The following SLA variants were observed in gnomAD, a reference collection of about 807,000 sequenced individuals.
SLA encodes the protein src-like-adapter.
SLA carries 16 observed loss-of-function variants against 30.3 expected under a neutral mutation model. The observed-to-expected ratio is 0.53, with a 90% CI of 0.36 to 0.80. The LOEUF is 0.80. SLA is among the 30% of genes least tolerant of loss of function. The pLI is 0.01. For synonymous variants in SLA, 143 were observed against 137.8 expected, an observed-to-expected ratio of 1.04 and a Z score of -0.26; for missense variants, 310 against 345.2, an observed-to-expected ratio of 0.90 and a Z score of 0.81.
At chr8:133,041,977 T>A (rs1295964404) in intron 7 of SLA, among the ~76,000 whole-genome samples, 1 of 151,630 alleles carries the variant, frequency 6.6e-6, no homozygotes, top group Non-Finnish European at 1.5e-5. Context: ...TTAGTAGAGA[T>A]GGAGTTTCAC....
At chr8:133,058,915 GA>G in intron 3 of SLA, 1 of 440,316 alleles carries the variant, frequency 2.3e-6, no homozygotes. Flanking sequence ...CATCTGACTT[GA>G]AAGGGGTGTG....
intron 1 of SLA, among the ~76,000 whole-genome samples, chr8:133,100,179 C>T (rs118075048): frequency 0.04 from 6,137 of 152,258 alleles, 283 homozygotes; most frequent in Admixed American, 0.14. Context: ...GGTCCTGGTA[C>T]TTGCTGTTTT....
At chr8:133,040,455 C>G in intron 7 of SLA, 1 of 294,254 alleles carries the variant, frequency 3.4e-6, no homozygotes, top group Non-Finnish European at 6.5e-6. Flanking sequence ...CTGAGCTTTC[C>G]TTTCTTCAAC....
At chr8:133,062,256 C>T (rs1053502952) in intron 2 of SLA, among the ~76,000 whole-genome samples, 8 of 152,208 alleles carry the variant, frequency 5.3e-5, no homozygotes, top group African/African-American at 1.9e-4. Context: ...AATCCCAGGG[C>T]CTCTGACCCT....
At chr8:133,067,246 C>T (rs1843166705) in intron 2 of SLA, among the ~76,000 whole-genome samples, 1 of 152,134 alleles carries the variant, frequency 6.6e-6, no homozygotes, top group Non-Finnish European at 1.5e-5. Flanking sequence ...CACATAGTCC[C>T]CTGCTCTCCT....
At chr8:133,094,284 A>G (rs1031341797) in intron 1 of SLA, among the ~76,000 whole-genome samples, 22 of 129,908 alleles carry the variant, frequency 1.7e-4, no homozygotes, top group African/African-American at 6.3e-4. Flanking sequence ...TCTGTTTCCC[A>G]GGCTGGAGTG....
chr8:133,051,522 C>T (rs1208037049), intron 3 of SLA, among the ~76,000 whole-genome samples: 2 of 152,100 alleles, frequency 1.3e-5, no homozygotes, highest in African/African-American at 2.4e-5. Flanking sequence ...ATATAAGGCC[C>T]CACGCTGGGC....
chr8:133,038,183 T>G lies in SLA; in HGVS notation c.*341A>C. 3.0e-6 allele frequency: 1 copy of G among 327,950 alleles called. No individual in the cohort carries two copies. Among genetic ancestry groups the G allele is most frequent in the Non-Finnish European group, 5.8e-6 (1 of 173,206 alleles). The allele number at this position is 327,950 out of a possible 1,614,324, so 20.3% of individuals were successfully genotyped here. A position where few individuals can be genotyped will look rare whatever the true frequency, so the allele number is the denominator to read the frequency against. ...GTGTAACTGTCTGGACAGGTCCAGTTCCTTGGAGAGCAGTCCTGGTGCCCT... is the reference window on the plus strand; with the variant it reads ...GTGTAACTGTCTGGACAGGTCCAGTGCCTTGGAGAGCAGTCCTGGTGCCCT... On this transcript the variant is annotated 3_prime_UTR_variant, in exon 9 of 9. Coordinates refer to ENST00000338087, the MANE Select transcript of SLA (RefSeq NM_001045556.3).
At chr8:133,059,244 G>C (rs959974772) in intron 3 of SLA, 1 of 423,046 alleles carries the variant, frequency 2.4e-6, no homozygotes, top group African/African-American at 2.0e-5. Context: ...AAGGTGGGAA[G>C]CAGAAGTGTT....
intron 1 of SLA, among the ~76,000 whole-genome samples, chr8:133,093,327 A>G (rs1022953195): frequency 3.9e-5 from 6 of 152,032 alleles, no homozygotes; most frequent in Non-Finnish European, 8.8e-5. Context: ...GCTGCTGCTT[A>G]TCAGAGGATC....
chr8:133,067,199 G>A (rs1375030085), intron 2 of SLA, among the ~76,000 whole-genome samples: 3 of 152,178 alleles, frequency 2.0e-5, no homozygotes, highest in Admixed American at 6.5e-5. Context: ...CTCTGAGTGC[G>A]AGGCTGGGGG....
At chr8:133,095,443 A>G (rs1848266442) in intron 1 of SLA, among the ~76,000 whole-genome samples, 1 of 152,180 alleles carries the variant, frequency 6.6e-6, no homozygotes, top group Admixed American at 6.5e-5. Flanking sequence ...TGTCTTTCTT[A>G]TTTATAACAT....
At chr8:133,047,533 C>T in intron 6 of SLA, 1 of 428,230 alleles carries the variant, frequency 2.3e-6, no homozygotes, top group Non-Finnish European at 4.4e-6. Flanking sequence ...AGCATGCTGC[C>T]TACACACTGC....
chr8:133,046,706 C>A (rs2703000), intron 6 of SLA: 2 of 152,006 alleles, frequency 1.3e-5, no homozygotes, highest in African/African-American at 4.8e-5. Context: ...ATCCTGCCTC[C>A]GGGGACCTCT....
rs770125839 is a variant in SLA, at chr8:133,038,717, C to A, written c.638G>T (p.Gly213Val). Residue 213 changes from glycine (G) to valine (V), a missense_variant, in exon 9 of 9, where the codon GGA becomes GTA. Physicochemically the swap from Gly to Val is moderately radical, Grantham distance 109. Coordinates refer to ENST00000338087, the MANE Select transcript of SLA (RefSeq NM_001045556.3). ...RVSRLQEDPE[G>V]TENPLGVDES... ...GTCTACCCCAAGCGGGTTCTCTGTT[C>A]CCTCGGGGTCCTCCTGCAGTCTGTG... The A allele has an allele frequency of 6.2e-7, 1 of 1,613,784 alleles. No homozygotes were observed. The highest frequency in any genetic ancestry group is 2.2e-5 in the East Asian group (1 of 44,876).
chr8:133,045,551 C>A lies in SLA; in HGVS notation c.353-436G>T, dbSNP rs530158376. Among the ~76,000 whole-genome samples, 6 of 151,946 alleles carry A rather than the reference C, an allele frequency of 3.9e-5. No homozygotes were observed. In the East Asian group the frequency reaches 5.8e-4, roughly 15 times the overall value. ...CTGGGACTACAGGCATGCGCCACCA[C>A]GCCCAGTTAATTCTTTTATTTTTTG... On this transcript the variant is annotated intron_variant, in intron 6 of 8. Coordinates refer to ENST00000338087, the MANE Select transcript of SLA (RefSeq NM_001045556.3).
chr8:133,070,065 C>G (rs992730056), intron 2 of SLA, among the ~76,000 whole-genome samples: 2 of 136,800 alleles, frequency 1.5e-5, no homozygotes, highest in Non-Finnish European at 3.1e-5. Flanking sequence ...AAGAAAGGAA[C>G]TGAAGAAACA....
chr8:133,067,904 AAGGAAGGAAGGAAAG>A (rs1843310976), intron 2 of SLA, among the ~76,000 whole-genome samples: 1 of 57,070 alleles, frequency 1.8e-5, no homozygotes, highest in South Asian at 4.1e-4. Context: ...GGAAGGAAGG[AAGGAAGGAAGGAAAG>A]AGAGAGAGAG....
intron 1 of SLA, among the ~76,000 whole-genome samples, chr8:133,078,204 T>C (rs1845196604): frequency 1.3e-5 from 2 of 152,174 alleles, no homozygotes; most frequent in South Asian, 4.1e-4. Context: ...TGGTTTGTGG[T>C]CTGTTCAGGA....
Sources: gnomAD v4.1 joint callset for allele counts (sites outside exome capture counted in the v4.1 genomes callset) on GRCh38, gnomAD v4.1.1 for gene constraint, MANE v1.5 for transcripts, NCBI Gene and HGNC (gene_info 2026-07-23, HGNC 2026-07-21) for gene names.